Variants in TAFA1 observed in about 807,000 individuals in gnomAD.
TAFA1 encodes TAFA chemokine like family member 1.
TAFA1 carries 4 observed loss-of-function variants against 18.5 expected under a neutral mutation model. The ratio of observed to expected loss-of-function variants is 0.22; its 90% CI spans 0.11 to 0.49. The LOEUF is 0.49. Among genes scored for constraint, TAFA1 ranks in the 20% least tolerant of loss-of-function variants. TAFA1 has a pLI of 0.98. For synonymous variants in TAFA1, 56 were observed against 55.2 expected (o/e 1.01, Z -0.06); for missense variants, 147 against 169.0 (o/e 0.87, Z 0.72).
intron 3 of TAFA1, among the ~76,000 whole-genome samples, chr3:68,432,739 A>G (rs1208303664): frequency 6.6e-6 from 1 of 152,002 alleles, no homozygotes; most frequent in Non-Finnish European, 1.5e-5. Context: ...GTAAGAGAAG[A>G]CACTCATTTT....
chr3:68,177,959 A>G (rs895096293), intron 2 of TAFA1, among the ~76,000 whole-genome samples: 7 of 152,264 alleles, frequency 4.6e-5, no homozygotes, highest in Middle Eastern at 3.4e-3. Context: ...CCTGGCTAAC[A>G]TGGTGAAACC....
At chr3:68,224,689 A>G (rs1479358977) in intron 2 of TAFA1, among the ~76,000 whole-genome samples, 1 of 152,026 alleles carries the variant, frequency 6.6e-6, no homozygotes, top group Admixed American at 6.6e-5. Flanking sequence ...AGTTCCTTTC[A>G]TTGCTCTGGG....
At chr3:68,100,626 T>G (rs991505911) in intron 2 of TAFA1, among the ~76,000 whole-genome samples, 1 of 152,196 alleles carries the variant, frequency 6.6e-6, no homozygotes. Flanking sequence ...CATTTATCAT[T>G]CAATGATTCC....
At chr3:68,198,181 A>T (rs181472087) in intron 2 of TAFA1, among the ~76,000 whole-genome samples, 4 of 151,774 alleles carry the variant, frequency 2.6e-5, no homozygotes, top group Admixed American at 6.6e-5. Flanking sequence ...TTTAAGTTTT[A>T]TCCATGTCTG....
intron 2 of TAFA1, among the ~76,000 whole-genome samples, chr3:68,260,344 A>G (rs1003147976): frequency 5.2e-4 from 79 of 152,170 alleles, no homozygotes; most frequent in African/African-American, 1.8e-3. Flanking sequence ...GTTTGCCAGT[A>G]TTTTATTGAG....
chr3:68,032,696 C>A (rs1358980596), intron 2 of TAFA1, among the ~76,000 whole-genome samples: 1 of 152,134 alleles, frequency 6.6e-6, no homozygotes, highest in Non-Finnish European at 1.5e-5. Context: ...CTCCCAGACT[C>A]CTGTGTCTGT....
chr3:68,329,075 G>A (rs1221684101), intron 2 of TAFA1, among the ~76,000 whole-genome samples: 1 of 149,512 alleles, frequency 6.7e-6, no homozygotes, highest in Non-Finnish European at 1.5e-5. Context: ...AGTCTTGCTT[G>A]TGGCCACTTT....
intron 3 of TAFA1, among the ~76,000 whole-genome samples, chr3:68,446,952 G>A (rs1163821096): frequency 6.6e-6 from 1 of 152,118 alleles, no homozygotes; most frequent in Admixed American, 6.6e-5. Flanking sequence ...CTTTACCTTA[G>A]GGGCACTAAT....
chr3:68,404,985 G>T (rs947574903), intron 2 of TAFA1, among the ~76,000 whole-genome samples: 4 of 151,942 alleles, frequency 2.6e-5, no homozygotes, highest in Non-Finnish European at 5.9e-5. Context: ...CAAAAATGTT[G>T]TTCCATTTTT....
chr3:68,389,197 G>A (rs890429648), intron 2 of TAFA1, among the ~76,000 whole-genome samples: 2 of 152,120 alleles, frequency 1.3e-5, no homozygotes, highest in African/African-American at 2.4e-5. Flanking sequence ...ACCATGACAT[G>A]CTTGGCCTTG....
At chr3:68,019,771 C>T (rs1018787007) in intron 2 of TAFA1, among the ~76,000 whole-genome samples, 3 of 151,826 alleles carry the variant, frequency 2.0e-5, no homozygotes, top group Non-Finnish European at 4.4e-5. Context: ...AAACAAACAA[C>T]AACAACAACA....
At chr3:68,074,621 G>A (rs932109776) in intron 2 of TAFA1, among the ~76,000 whole-genome samples, 15 of 152,300 alleles carry the variant, frequency 9.8e-5, no homozygotes, top group East Asian at 9.6e-4. Flanking sequence ...CCCTGACTGT[G>A]AGAGAGATTT....
intron 2 of TAFA1, among the ~76,000 whole-genome samples, chr3:68,359,923 G>A (rs1012269455): frequency 4.6e-5 from 7 of 151,940 alleles, no homozygotes; most frequent in East Asian, 1.9e-4. Context: ...AATAAAACAT[G>A]TATAAACTGA....
chr3:68,351,712 G>C (rs1316157669), intron 2 of TAFA1, among the ~76,000 whole-genome samples: 1 of 151,954 alleles, frequency 6.6e-6, no homozygotes, highest in Admixed American at 6.6e-5. Context: ...GAAGAGAAAA[G>C]CTCTTGTAAT....
intron 3 of TAFA1, among the ~76,000 whole-genome samples, chr3:68,469,946 G>A (rs2071964566): frequency 6.6e-6 from 1 of 152,164 alleles, no homozygotes; most frequent in Non-Finnish European, 1.5e-5. Context: ...CATGATGGAA[G>A]TAATTGCTTA....
intron 2 of TAFA1, among the ~76,000 whole-genome samples, chr3:68,329,622 GCC>G (rs1295783493): frequency 6.6e-6 from 1 of 152,102 alleles, no homozygotes; most frequent in African/African-American, 2.4e-5. Flanking sequence ...TTGTTTTAAT[GCC>G]CACAGTCTCA....
intron 2 of TAFA1, among the ~76,000 whole-genome samples, chr3:68,399,201 G>C (rs1387995332): frequency 6.6e-6 from 1 of 152,120 alleles, no homozygotes; most frequent in Non-Finnish European, 1.5e-5. Flanking sequence ...TCTTTTTCAT[G>C]ATTATCTTAT....
intron 2 of TAFA1, among the ~76,000 whole-genome samples, chr3:68,131,410 C>T (rs182715156): frequency 2.0e-5 from 3 of 152,308 alleles, no homozygotes; most frequent in Admixed American, 2.0e-4. Flanking sequence ...GGCTTTTGTT[C>T]TCCCCAGAGG....
At chr3:68,280,289 A>G (rs2067875383) in intron 2 of TAFA1, among the ~76,000 whole-genome samples, 1 of 152,170 alleles carries the variant, frequency 6.6e-6, no homozygotes, top group Non-Finnish European at 1.5e-5. Flanking sequence ...TCAATGGTCA[A>G]TACTCTGCTC....
Sources: allele counts gnomAD v4.1 joint callset (sites outside exome capture counted in the v4.1 genomes callset), GRCh38; gene constraint gnomAD v4.1.1; transcripts MANE v1.5; gene names NCBI Gene and HGNC (gene_info 2026-07-23, HGNC 2026-07-21).